FHDC1: variants seen among roughly 807,000 people sequenced by gnomAD.
The protein encoded by FHDC1 is FH2 domain-containing protein 1.
FHDC1 carries 25 observed loss-of-function variants against 52.6 expected under a neutral mutation model. That is an observed-to-expected ratio of 0.48 (90% CI 0.35 to 0.66). The LOEUF (loss-of-function observed/expected upper bound fraction) is 0.66, where lower values mean the gene tolerates loss of function less well. FHDC1 is among the 30% of genes least tolerant of loss of function. The pLI, the probability that FHDC1 is intolerant of heterozygous loss-of-function variation, is 0.01. For missense variants in FHDC1, 1,459 were observed against 1,452.8 expected (o/e 1.00, Z -0.07); for synonymous variants, 616 against 581.5 (o/e 1.06, Z -0.85).
intron 11 of FHDC1, among the ~76,000 whole-genome samples, chr4:152,973,778 C>T (rs970094782): frequency 1.5e-4 from 23 of 152,236 alleles, no homozygotes; most frequent in African/African-American, 4.6e-4. Flanking sequence ...CACATTTGGG[C>T]TGTGAGATCC....
chr4:152,951,164 A>T (rs957287495), intron 2 of FHDC1, among the ~76,000 whole-genome samples: 1 of 152,176 alleles, frequency 6.6e-6, no homozygotes, highest in Non-Finnish European at 1.5e-5. Context: ...CAAGTCATTT[A>T]TCCATCCTAG....
chr4:152,974,881 C>A lies in FHDC1; in HGVS notation c.1590C>A (p.Ser530=), dbSNP rs1375532424. The A allele has an allele frequency of 6.8e-6, 11 of 1,607,856 alleles. No individual in the cohort carries two copies. Among genetic ancestry groups the A allele is most frequent in the Non-Finnish European group, 9.3e-6 (11 of 1,178,028 alleles). Residue 530 remains serine, a synonymous_variant, in exon 12 of 12, where the codon TCC becomes TCA. Coordinates refer to ENST00000511601, the MANE Select transcript of FHDC1 (RefSeq NM_001371116.1). Reference sequence around the variant, plus strand: ...GGCCCATCAGCCCCTCCAGCCCCTCCTACCGGCCCCCGAACACCCGCCGCT... The same window carrying A: ...GGCCCATCAGCCCCTCCAGCCCCTCATACCGGCCCCCGAACACCCGCCGCT... ...HPRPISPSSP[S]YRPPNTRRSR... is the part of the protein sequence containing the mutation.
chr4:152,929,589 T>C, the FHDC1 span, among the ~76,000 whole-genome samples: 1 of 152,170 alleles, frequency 6.6e-6, no homozygotes, highest in East Asian at 1.9e-4. The surrounding 1 kb of genome is among the most constrained non-coding windows in gnomAD (Gnocchi z 4.1). Flanking sequence ...TCAAGGGACT[T>C]CTGTAGACTC....
At chr4:152,919,466 A>T in the FHDC1 span, among the ~76,000 whole-genome samples, 1 of 152,256 alleles carries the variant, frequency 6.6e-6, no homozygotes. Context: ...CCATTCTACC[A>T]TGGCAGCTAG....
chr4:152,946,489 A>G (rs762647247), intron 2 of FHDC1, among the ~76,000 whole-genome samples: 3 of 152,178 alleles, frequency 2.0e-5, no homozygotes, highest in Non-Finnish European at 4.4e-5. Context: ...TCTTCCTTCA[A>G]TTTTCTTCTG....
At chr4:152,969,181 G>A (rs1371609035) in intron 10 of FHDC1, among the ~76,000 whole-genome samples, 1 of 152,150 alleles carries the variant, frequency 6.6e-6, no homozygotes, top group Non-Finnish European at 1.5e-5. Context: ...CCTGTGAGGT[G>A]GAATCATGTA....
intron 1 of FHDC1, among the ~76,000 whole-genome samples, chr4:152,938,135 A>G (rs72725621): frequency 0.037 from 5,561 of 151,444 alleles, 149 homozygotes; most frequent in South Asian, 0.078. Context: ...TCTTCCTGGA[A>G]GGAGCAGCCG....
Position 152,943,129 on chromosome 4 carries a change from C to A in FHDC1, c.72C>A (p.Phe24Leu). The change falls in exon 2 of 12, where the codon TTC becomes TTA. Residue 24 changes from phenylalanine to leucine, a missense_variant. This residue lies in a region of FHDC1 where 513 missense variants were observed against 581.5 expected (regional missense o/e 0.88). Coordinates refer to ENST00000511601, the MANE Select transcript of FHDC1 (RefSeq NM_001371116.1). ...GGAATATTGCCACAGCACCTGGATT[C>A]ATGATTGGGCAGACACCTCCTCCAG... ...ENGNIATAPG[F>L]MIGQTPPPAP... 6.2e-7 allele frequency: 1 copy of A among 1,614,114 alleles called. No individual in the cohort carries two copies. Among genetic ancestry groups the A allele is most frequent in the South Asian group, 1.1e-5 (1 of 91,074 alleles).
In FHDC1 at chr4:152,950,928, A is replaced by G. The variant is rs560647452; in HGVS notation, c.499-2571A>G. ...CTGGGAAAGTTATAAAATGATGTCT[A>G]TGAGGCTTAGTTTCCTTACCTGTCC... On this transcript the variant is annotated intron_variant, in intron 2 of 11. Transcript: ENST00000511601. Among the ~76,000 whole-genome samples, 4 of 152,368 alleles carry G rather than the reference A, an allele frequency of 2.6e-5. No homozygotes were observed. The South Asian group carries it at 8.3e-4, about 32-fold the overall frequency.
the FHDC1 span, among the ~76,000 whole-genome samples, chr4:152,918,694 G>A: frequency 5.3e-5 from 8 of 152,164 alleles, no homozygotes; most frequent in South Asian, 4.1e-4. Flanking sequence ...ACTGAGCCAC[G>A]TTGCTCTGGG....
At chr4:152,919,871 A>C in the FHDC1 span, among the ~76,000 whole-genome samples, 1 of 151,634 alleles carries the variant, frequency 6.6e-6, no homozygotes. Context: ...TGGGTGTTTC[A>C]AGGTCACCCA....
At chr4:152,949,124 T>TAAGAAG (rs201070214) in intron 2 of FHDC1, among the ~76,000 whole-genome samples, 1,843 of 74,566 alleles carry the variant, frequency 0.025, 35 homozygotes, top group Non-Finnish European at 0.028. Context: ...ATAATAATAA[T>TAAGAAG]AAGAAGAAGA....
chr4:152,976,573 C>T lies in FHDC1; in HGVS notation c.3282C>T (p.Ala1094=). The T allele has an allele frequency of 6.2e-7, 1 of 1,612,634 alleles. No homozygotes were observed. The highest frequency in any genetic ancestry group is 8.5e-7 in the Non-Finnish European group (1 of 1,179,588). ...TGAGGCGAGCCAGCAGTGCCCGGGC[C>T]CCCAAGAAGCGCCCAGAGTCTGCGG... ...STLRRASSAR[A]PKKRPESAEG... The change falls in exon 12 of 12, where the codon GCC becomes GCT. Residue 1094 remains alanine, a synonymous_variant. Coordinates refer to ENST00000511601, the MANE Select transcript of FHDC1 (RefSeq NM_001371116.1).
rs769845699 is a variant in FHDC1 at position 152,974,910 on chromosome 4, G to T, written c.1619G>T (p.Arg540Leu). 2 of 1,611,286 alleles carry T rather than the reference G, an allele frequency of 1.2e-6. No homozygotes were observed. Among genetic ancestry groups the T allele is most frequent in the Non-Finnish European group, 1.7e-6 (2 of 1,179,510 alleles). Residue 540 changes from arginine to leucine, a missense_variant, in exon 12 of 12, where the codon CGC (arginine) becomes CTC (leucine). By Grantham distance (102) the Arg-to-Leu change is moderately radical. This residue lies in a region of FHDC1 where 939 missense variants were observed against 854.5 expected (regional missense o/e 1.10). Transcript: ENST00000511601. ...CGGCCCCCGAACACCCGCCGCTCCC[G>T]CCTCTCCCTGGGTCCCTCTGCTGAC... ...SYRPPNTRRS[R>L]LSLGPSADRE...
At chr4:152,948,157 T>C (rs17029322) in intron 2 of FHDC1, among the ~76,000 whole-genome samples, 19,089 of 152,212 alleles carry the variant, frequency 0.13, 1,246 homozygotes, top group Middle Eastern at 0.17. Flanking sequence ...TAGGTCCATA[T>C]TGGAGGATAG....
At chr4:152,934,895 C>T (rs1403306411), upstream of FHDC1, among the ~76,000 whole-genome samples, 1 of 152,088 alleles carries the variant, frequency 6.6e-6, no homozygotes, top group Non-Finnish European at 1.5e-5. Context: ...TGTGGACTCC[C>T]CATTTAACAA....
chr4:152,923,738 G>C, the FHDC1 span, among the ~76,000 whole-genome samples: 37 of 152,064 alleles, frequency 2.4e-4, no homozygotes, highest in Non-Finnish European at 4.9e-4. Flanking sequence ...ACAAACCTGA[G>C]AAAAACAAGC....
At chr4:152,918,874 G>A in the FHDC1 span, among the ~76,000 whole-genome samples, 1 of 152,174 alleles carries the variant, frequency 6.6e-6, no homozygotes, top group African/African-American at 2.4e-5. Flanking sequence ...AGTTTAAATG[G>A]TCATGAGTAT....
At chr4:152,961,122 C>A (rs974884643) in intron 6 of FHDC1, among the ~76,000 whole-genome samples, 2 of 152,166 alleles carry the variant, frequency 1.3e-5, no homozygotes, top group Admixed American at 1.3e-4. Context: ...GCTCTTGTTT[C>A]TCTCCTGGAT....
Sources: gnomAD v4.1 joint callset for allele counts (sites outside exome capture counted in the v4.1 genomes callset) on GRCh38, gnomAD v4.1.1 for gene constraint, gnomAD v4.1.1 regional missense constraint, Gnocchi (gnomAD v3.1) non-coding constraint, MANE v1.5 for transcripts, NCBI Gene and HGNC (gene_info 2026-07-23, HGNC 2026-07-21) for gene names.